The following DIP2C variants were observed in gnomAD, a reference collection of about 807,000 sequenced individuals.
DIP2C encodes disco-interacting protein 2 homolog C.
DIP2C carries 33 observed loss-of-function variants against 192.4 expected under a neutral mutation model. The ratio of observed to expected loss-of-function variants is 0.17; its 90% CI spans 0.13 to 0.23. The LOEUF is 0.23. Ranked by LOEUF, DIP2C falls within the 10% of genes least tolerant of loss-of-function variation. The pLI, the probability that DIP2C is intolerant of heterozygous loss-of-function variation, is 1.00. For synonymous variants in DIP2C, 979 were observed against 864.1 expected (o/e 1.13, Z -2.33); for missense variants, 1,537 against 2,110.1 (o/e 0.73, Z 5.32).
chr10:533,613 C>T (rs1422369577), intron 1 of DIP2C, among the ~76,000 whole-genome samples: 1 of 151,374 alleles, frequency 6.6e-6, no homozygotes, highest in Non-Finnish European at 1.5e-5. Flanking sequence ...CTTAGGCAAA[C>T]CTGCCTCCCC....
At chr10:583,687 G>A (rs901411320) in intron 1 of DIP2C, among the ~76,000 whole-genome samples, 1 of 152,338 alleles carries the variant, frequency 6.6e-6, no homozygotes. Flanking sequence ...TCAACAGCCG[G>A]AAGCAGTTCT....
Position 417,861 on chromosome 10 carries a change from C to T in DIP2C, c.739+1204G>A, listed in dbSNP as rs1478728187. 9.2e-4 allele frequency among the ~76,000 whole-genome samples: 69 copies of T among 74,898 alleles called. 10 individuals carry two copies. The highest frequency in any genetic ancestry group is 4.1e-3 in the African/African-American group (58 of 14,244). The allele number at this position is 74,898 out of a possible 152,430, so 49.1% of individuals were successfully genotyped here. A position where few individuals can be genotyped will look rare whatever the true frequency, so the allele number is the denominator to read the frequency against. On this transcript the variant is annotated intron_variant, in intron 6 of 36. Coordinates refer to ENST00000280886, the MANE Select transcript of DIP2C (RefSeq NM_014974.3). ...CTGTCCACCTGCACCTGTCAGAGCT[C>T]GGACAGGCCTCCCTGTCCACCTGCA...
intron 3 of DIP2C, among the ~76,000 whole-genome samples, chr10:443,502 G>T (rs911682359): frequency 6.6e-6 from 1 of 152,160 alleles, no homozygotes; most frequent in Non-Finnish European, 1.5e-5. Context: ...CGGGTGTGCT[G>T]TCACTGGGGG....
intron 1 of DIP2C, among the ~76,000 whole-genome samples, chr10:588,898 T>G (rs1851243417): frequency 6.6e-6 from 1 of 152,182 alleles, no homozygotes; most frequent in African/African-American, 2.4e-5. Context: ...GCCCCACGTT[T>G]GTGTGAGTTC....
intron 13 of DIP2C, among the ~76,000 whole-genome samples, chr10:388,020 A>C (rs578049317): frequency 6.6e-6 from 1 of 152,284 alleles, no homozygotes; most frequent in Admixed American, 6.5e-5. Flanking sequence ...CTGACACATG[A>C]GTGAGCAGCG....
intron 17 of DIP2C, among the ~76,000 whole-genome samples, chr10:378,205 G>A (rs77829203): frequency 0.029 from 4,406 of 152,338 alleles, 91 homozygotes; most frequent in Non-Finnish European, 0.044. Flanking sequence ...ACAGGACAGT[G>A]ACAGTTTTAA....
At chr10:355,524 G>C (rs933672571) in intron 24 of DIP2C, among the ~76,000 whole-genome samples, 3 of 152,212 alleles carry the variant, frequency 2.0e-5, no homozygotes, top group African/African-American at 7.2e-5. Context: ...TTGTCAAGAA[G>C]ACTTACATTT....
chr10:519,234 GC>G (rs1376102624), intron 1 of DIP2C, among the ~76,000 whole-genome samples: 1 of 152,218 alleles, frequency 6.6e-6, no homozygotes, highest in Non-Finnish European at 1.5e-5. Flanking sequence ...CCACACCAGG[GC>G]CCAGGAGGGA....
intron 3 of DIP2C, among the ~76,000 whole-genome samples, chr10:448,686 TCACACACAG>T: frequency 7.4e-6 from 1 of 134,614 alleles, no homozygotes; most frequent in African/African-American, 2.9e-5. Context: ...ATATTCAGGA[TCACACACAG>T]TGGGGCAGCA....
intron 1 of DIP2C, among the ~76,000 whole-genome samples, chr10:677,373 C>T (rs1830912359): frequency 6.6e-6 from 1 of 152,226 alleles, no homozygotes; most frequent in South Asian, 2.1e-4. Flanking sequence ...TCATAACTTA[C>T]ATTTACTCCA....
intron 1 of DIP2C, among the ~76,000 whole-genome samples, chr10:537,858 C>T (rs1189133079): frequency 6.6e-6 from 1 of 151,630 alleles, no homozygotes; most frequent in Non-Finnish European, 1.5e-5. Context: ...GTGGCGATCT[C>T]GGCTCACTGC....
At chr10:530,802 C>A (rs1043170004) in intron 1 of DIP2C, among the ~76,000 whole-genome samples, 1 of 152,116 alleles carries the variant, frequency 6.6e-6, no homozygotes, top group Non-Finnish European at 1.5e-5. Context: ...GAAATGCAAG[C>A]GGCATCACAG....
At chr10:368,593 A>G (rs534050046) in intron 18 of DIP2C, among the ~76,000 whole-genome samples, 1 of 152,182 alleles carries the variant, frequency 6.6e-6, no homozygotes, top group Non-Finnish European at 1.5e-5. Context: ...CAGCTTCTGG[A>G]GTGCCTGGCC....
intron 28 of DIP2C, 77 bp from the exon 29 acceptor site, chr10:341,406 A>G: frequency 6.3e-7 from 1 of 1,581,606 alleles, no homozygotes; most frequent in Non-Finnish European, 8.6e-7. Context: ...GGCTGCAGGG[A>G]ACGCAAGGCT....
chr10:585,295 C>A (rs1198047157), intron 1 of DIP2C, among the ~76,000 whole-genome samples: 1 of 152,250 alleles, frequency 6.6e-6, no homozygotes, highest in Non-Finnish European at 1.5e-5. Context: ...ATCGCCCTCA[C>A]AAGCTGGAAA....
At chr10:384,998 C>T (rs887112067) in intron 14 of DIP2C, among the ~76,000 whole-genome samples, 10 of 148,764 alleles carry the variant, frequency 6.7e-5, no homozygotes, top group African/African-American at 9.9e-5. Flanking sequence ...TGCAAGGGCC[C>T]GGAAGAGCAG....
intron 1 of DIP2C, among the ~76,000 whole-genome samples, chr10:640,675 G>A (rs1320323808): frequency 1.4e-5 from 2 of 146,184 alleles, no homozygotes; most frequent in African/African-American, 5.5e-5. Flanking sequence ...GCGCGGGGAT[G>A]AGGGTGCGCG....
At chr10:422,526 G>C (rs1022338508) in intron 5 of DIP2C, among the ~76,000 whole-genome samples, 1 of 152,186 alleles carries the variant, frequency 6.6e-6, no homozygotes, top group Non-Finnish European at 1.5e-5. Flanking sequence ...ACCCTGTCCT[G>C]TTGATTGGGA....
Position 399,317 on chromosome 10 carries a change from G to C in DIP2C, c.1150-98C>G, listed in dbSNP as rs1449902104. ...GTTCTAGGTGAGAGGGCACGCTTCA[G>C]TGAGAACCAGATCCTATGTAAAATG... On this transcript the variant is annotated intron_variant, in intron 9 of 36. Coordinates refer to ENST00000280886, the MANE Select transcript of DIP2C (RefSeq NM_014974.3). The C allele has an allele frequency of 7.2e-6, 6 of 832,738 alleles. No individual in the cohort carries two copies. The Admixed American group carries it at 1.2e-4, about 16-fold the overall frequency. 51.6% of individuals were successfully genotyped at this position (832,738 alleles called of 1,614,324 possible). A position where few individuals can be genotyped will look rare whatever the true frequency, so the allele number is the denominator to read the frequency against.
Sources: allele counts gnomAD v4.1 joint callset (sites outside exome capture counted in the v4.1 genomes callset), GRCh38; gene constraint gnomAD v4.1.1; transcripts MANE v1.5; gene names NCBI Gene and HGNC (gene_info 2026-07-23, HGNC 2026-07-21).